QTMAN: variants seen among roughly 807,000 people sequenced by gnomAD.
The protein encoded by QTMAN is queuosine-tRNA mannosyltransferase, also known as tRNA-queuosine alpha-mannosyltransferase.
the QTMAN span, among the ~76,000 whole-genome samples, chr2:144,246,233 G>C: frequency 6.6e-6 from 1 of 152,208 alleles, no homozygotes; most frequent in African/African-American, 2.4e-5. Flanking sequence ...ATAAGCCAAA[G>C]AAAGTTTCAC....
the QTMAN span, among the ~76,000 whole-genome samples, chr2:144,312,711 A>C: frequency 6.6e-6 from 1 of 152,154 alleles, no homozygotes; most frequent in Non-Finnish European, 1.5e-5. Context: ...GTGGGAGGTA[A>C]CTGGATCACT....
At chr2:144,264,268 T>C in the QTMAN span, among the ~76,000 whole-genome samples, 1 of 152,268 alleles carries the variant, frequency 6.6e-6, no homozygotes, top group Middle Eastern at 3.4e-3. Flanking sequence ...GACAATCTTA[T>C]TGTGGGGAAA....
At chr2:144,141,916 T>C in the QTMAN span, 11 of 1,611,448 alleles carry the variant, frequency 6.8e-6, no homozygotes, top group South Asian at 2.2e-5. Flanking sequence ...GGAAAGTAAA[T>C]AACTTGGCAC....
At chr2:144,054,110 C>T in the QTMAN span, among the ~76,000 whole-genome samples, 20 of 152,050 alleles carry the variant, frequency 1.3e-4, no homozygotes, top group Non-Finnish European at 2.6e-4. Flanking sequence ...ATGGCTCGAA[C>T]CTGGGAGGCG....
the QTMAN span, among the ~76,000 whole-genome samples, chr2:144,269,837 A>C: frequency 2.0e-5 from 3 of 151,952 alleles, no homozygotes; most frequent in Admixed American, 2.0e-4. Context: ...TAAAAAAAAA[A>C]AACTCACCTA....
chr2:144,023,343 A>C, the QTMAN span, among the ~76,000 whole-genome samples: 1 of 152,242 alleles, frequency 6.6e-6, no homozygotes, highest in Non-Finnish European at 1.5e-5. Context: ...AGTTTTCTAA[A>C]GTCTAAGATA....
At chr2:143,947,278 G>A in the QTMAN span, 2 of 642,992 alleles carry the variant, frequency 3.1e-6, no homozygotes, top group Admixed American at 5.0e-5. Flanking sequence ...AATGGTTCTT[G>A]AGTTTCATCA....
the QTMAN span, among the ~76,000 whole-genome samples, chr2:144,170,498 C>T: frequency 2.6e-5 from 4 of 152,090 alleles, no homozygotes; most frequent in Non-Finnish European, 4.4e-5. Flanking sequence ...AGGAACCCTG[C>T]GCTCTAAGAA....
the QTMAN span, among the ~76,000 whole-genome samples, chr2:144,161,841 A>G: frequency 6.6e-6 from 1 of 152,246 alleles, no homozygotes; most frequent in Non-Finnish European, 1.5e-5. Flanking sequence ...AAATTCATCA[A>G]TAAGTAGAAT....
the QTMAN span, among the ~76,000 whole-genome samples, chr2:143,971,722 CT>C: frequency 6.6e-6 from 1 of 151,850 alleles, no homozygotes; most frequent in Admixed American, 6.6e-5. Flanking sequence ...ATTTTAGCTT[CT>C]TTTTTACATT....
At chr2:144,275,851 G>T in the QTMAN span, among the ~76,000 whole-genome samples, 1 of 152,002 alleles carries the variant, frequency 6.6e-6, no homozygotes, top group African/African-American at 2.4e-5. Flanking sequence ...TCTGAAGAAG[G>T]CCTGAATATA....
At chr2:144,053,477 C>CA in the QTMAN span, among the ~76,000 whole-genome samples, 1 of 152,180 alleles carries the variant, frequency 6.6e-6, no homozygotes, top group Non-Finnish European at 1.5e-5. Flanking sequence ...ATTATATCCT[C>CA]AGCTGCTATG....
chr2:144,172,966 T>C, the QTMAN span, among the ~76,000 whole-genome samples: 2 of 152,280 alleles, frequency 1.3e-5, no homozygotes, highest in East Asian at 3.9e-4. Flanking sequence ...CTTGTGTTTT[T>C]TTTCTTCTTT....
the QTMAN span, among the ~76,000 whole-genome samples, chr2:144,302,544 C>T: frequency 5.3e-5 from 8 of 152,216 alleles, no homozygotes; most frequent in African/African-American, 1.9e-4. Flanking sequence ...CTCAAAAAGC[C>T]ACACGGAAGA....
the QTMAN span, among the ~76,000 whole-genome samples, chr2:143,959,842 G>T: frequency 6.6e-6 from 1 of 151,712 alleles, no homozygotes; most frequent in Admixed American, 6.6e-5. Flanking sequence ...AATGATTTTG[G>T]AAAAAGCCGA....
the QTMAN span, among the ~76,000 whole-genome samples, chr2:144,070,420 G>A: frequency 6.6e-6 from 1 of 152,060 alleles, no homozygotes; most frequent in Admixed American, 6.6e-5. Context: ...ACCTAAGACA[G>A]CAGTTTACAT....
chr2:144,109,995 G>A, the QTMAN span, among the ~76,000 whole-genome samples: 17 of 152,262 alleles, frequency 1.1e-4, no homozygotes, highest in African/African-American at 3.9e-4. Flanking sequence ...ATTCCTCAAG[G>A]ATCTAGAACT....
the QTMAN span, among the ~76,000 whole-genome samples, chr2:144,025,888 C>T: frequency 5.3e-5 from 8 of 152,128 alleles, no homozygotes; most frequent in Non-Finnish European, 1.5e-5. Flanking sequence ...TATAAGTAAC[C>T]GGTCTATTGA....
At chr2:144,281,890 T>C in the QTMAN span, among the ~76,000 whole-genome samples, 7 of 152,332 alleles carry the variant, frequency 4.6e-5, no homozygotes, top group South Asian at 6.2e-4. Flanking sequence ...CAGGGGTACA[T>C]GTGCAGGTTT....
Sources: allele counts gnomAD v4.1 joint callset (sites outside exome capture counted in the v4.1 genomes callset), GRCh38; gene constraint gnomAD v4.1.1; transcripts MANE v1.5; gene names NCBI Gene and HGNC (gene_info 2026-07-23, HGNC 2026-07-21).